Variants in ST7L observed in about 807,000 individuals in gnomAD.
ST7L encodes suppression of tumorigenicity 7 like.
A neutral mutation model predicts 72.5 loss-of-function variants in ST7L; 57 were observed. The observed-to-expected ratio is 0.79, with a 90% CI of 0.64 to 0.98. The LOEUF (loss-of-function observed/expected upper bound fraction) is 0.98. Ranked by LOEUF, ST7L falls within the 50% of genes least tolerant of loss-of-function variation. ST7L has a pLI of 0.00. For missense variants in ST7L, 576 were observed against 672.2 expected, an observed-to-expected ratio of 0.86 and a Z score of 1.58; for synonymous variants, 221 against 240.9, an observed-to-expected ratio of 0.92 and a Z score of 0.77.
chr1:112,557,572 T>G (rs1659413468), intron 11 of ST7L, among the ~76,000 whole-genome samples: 1 of 152,386 alleles, frequency 6.6e-6, no homozygotes, highest in Admixed American at 6.5e-5. Flanking sequence ...AGTTTCAGAA[T>G]GAACATATGT....
intron 11 of ST7L, among the ~76,000 whole-genome samples, chr1:112,564,278 C>A (rs535836579): frequency 6.6e-6 from 1 of 152,288 alleles, no homozygotes; most frequent in African/African-American, 2.4e-5. Context: ...TCCACATCAT[C>A]CTACAGAGCC....
chr1:112,616,894 C>A lies in ST7L; in HGVS notation c.207G>T (p.Val69=). 3 of 1,598,308 alleles carry A rather than the reference C, an allele frequency of 1.9e-6. No homozygotes were observed. In the South Asian group the frequency reaches 3.4e-5, roughly 18 times the overall value. ...PLRLCENLAA[V]TVFLNSLTPK... is the part of the protein sequence containing the mutation. ...GTGTCAATGAATTTAAAAATACAGT[C>A]ACTGTCAAAAGAACAAGAATCAAAG... is the stretch of plus-strand genomic sequence containing the variant. The change falls in exon 2 of 15, where the codon GTG becomes GTT. Residue 69 remains valine (V), a splice_region_variant and synonymous_variant. Transcript: ENST00000358039.
chr1:112,540,657 G>T, intron 14 of ST7L: 1 of 1,181,864 alleles, frequency 8.5e-7, no homozygotes, highest in Non-Finnish European at 1.1e-6. Context: ...TACCACTGGT[G>T]CCAGAAAAAA....
intron 14 of ST7L, chr1:112,539,909 A>C: frequency 1.0e-6 from 1 of 985,362 alleles, no homozygotes. Flanking sequence ...TCACCTATAC[A>C]GATACCAAAA....
chr1:112,589,620 G>A lies in ST7L; in HGVS notation c.701+1905C>T, dbSNP rs554213273. Among the ~76,000 whole-genome samples, 4 of 152,304 alleles carry A rather than the reference G, an allele frequency of 2.6e-5. No homozygotes were observed. In the East Asian group the frequency reaches 7.7e-4, roughly 29 times the overall value. ...ATCTGTCATGTGTGACCAGTGATGTGTGTGCTATTTTAGCCTCGTGGTCAG... is the reference window on the plus strand; with the variant it reads ...ATCTGTCATGTGTGACCAGTGATGTATGTGCTATTTTAGCCTCGTGGTCAG... On this transcript the variant is annotated intron_variant, in intron 6 of 14. Coordinates refer to ENST00000358039, the MANE Select transcript of ST7L (RefSeq NM_017744.5).
At chr1:112,596,305 G>A (rs908743508) in intron 5 of ST7L, among the ~76,000 whole-genome samples, 1 of 152,016 alleles carries the variant, frequency 6.6e-6, no homozygotes, top group Non-Finnish European at 1.5e-5. Flanking sequence ...TCATTTTAAT[G>A]CAGGAAACTG....
chr1:112,568,861 A>AATATATATAAAT (rs1410937307), intron 11 of ST7L, among the ~76,000 whole-genome samples: 3 of 114,918 alleles, frequency 2.6e-5, no homozygotes, highest in Admixed American at 1.1e-4. Context: ...TATAAATATA[A>AATATATATAAAT]ATATATATAT....
At chr1:112,583,159 G>A (rs1664382941) in intron 7 of ST7L, among the ~76,000 whole-genome samples, 1 of 152,078 alleles carries the variant, frequency 6.6e-6, no homozygotes, top group Non-Finnish European at 1.5e-5. Flanking sequence ...ATATATATCT[G>A]TATTTAGCTT....
chr1:112,526,200 G>C, intron 14 of ST7L, 89 bp from the exon 15 acceptor site: 1 of 1,571,758 alleles, frequency 6.4e-7, no homozygotes, highest in Non-Finnish European at 8.6e-7. Context: ...GTTTACAAAG[G>C]AACAGCCTAG....
intron 11 of ST7L, among the ~76,000 whole-genome samples, chr1:112,562,901 G>A (rs994640995): frequency 6.6e-6 from 1 of 151,970 alleles, no homozygotes; most frequent in Non-Finnish European, 1.5e-5. Context: ...CACAAGACAC[G>A]GTAAAGTATT....
chr1:112,563,021 A>G (rs1211563895), intron 11 of ST7L, among the ~76,000 whole-genome samples: 1 of 152,068 alleles, frequency 6.6e-6, no homozygotes, highest in African/African-American at 2.4e-5. Flanking sequence ...TAGAATTGGG[A>G]GGGAGAGAAC....
Position 112,541,939 on chromosome 1 carries a change from G to C in ST7L, c.1629+12C>G. 6.2e-7 allele frequency: 1 copy of C among 1,612,852 alleles called. No individual in the cohort carries two copies. The highest frequency in any genetic ancestry group is 8.5e-7 in the Non-Finnish European group (1 of 1,179,626). ...ACAAATAATCTACACAAGTCCTTGA[G>C]ATCATACTTACAGCTTTAGCAAAAA... On this transcript the variant is annotated intron_variant, in intron 14 of 14. Transcript: ENST00000358039.
At chr1:112,559,393 C>T (rs576918902) in intron 11 of ST7L, among the ~76,000 whole-genome samples, 1 of 152,018 alleles carries the variant, frequency 6.6e-6, no homozygotes, top group African/African-American at 2.4e-5. Flanking sequence ...ACCATGATGC[C>T]AGGCTAATTT....
At chr1:112,539,608 A>G in intron 14 of ST7L, 1 of 780,140 alleles carries the variant, frequency 1.3e-6, no homozygotes, top group Middle Eastern at 6.6e-4. Context: ...GTGAGCTGAG[A>G]TCACGCCATT....
At chr1:112,604,777 A>T (rs1238392099) in intron 3 of ST7L, among the ~76,000 whole-genome samples, 1 of 38,264 alleles carries the variant, frequency 2.6e-5, no homozygotes, top group South Asian at 5.6e-4. Context: ...GTCTCTCTTA[A>T]AAAAAAAAAA....
chr1:112,613,807 A>C (rs1001027148), intron 2 of ST7L, among the ~76,000 whole-genome samples: 4 of 152,128 alleles, frequency 2.6e-5, no homozygotes, highest in African/African-American at 7.2e-5. Flanking sequence ...AGCTCACCAC[A>C]GCCACGATTT....
intron 6 of ST7L, among the ~76,000 whole-genome samples, chr1:112,587,829 C>T (rs369991428): frequency 3.3e-5 from 5 of 152,016 alleles, no homozygotes; most frequent in South Asian, 4.1e-4. Context: ...ATTATAGGAT[C>T]GCCTTGTCCA....
chr1:112,595,231 G>C (rs1018465118), intron 5 of ST7L, among the ~76,000 whole-genome samples: 6 of 151,840 alleles, frequency 4.0e-5, no homozygotes, highest in African/African-American at 1.5e-4. Flanking sequence ...CGGGCATAGT[G>C]GTGCATGCCT....
chr1:112,566,311 T>G (rs1163731905), intron 11 of ST7L, among the ~76,000 whole-genome samples: 1 of 145,142 alleles, frequency 6.9e-6, no homozygotes, highest in Non-Finnish European at 1.5e-5. Context: ...TTTTTTTTTT[T>G]TTTTGAGACA....
Sources: allele counts gnomAD v4.1 joint callset (sites outside exome capture counted in the v4.1 genomes callset), GRCh38; gene constraint gnomAD v4.1.1; transcripts MANE v1.5; gene names NCBI Gene and HGNC (gene_info 2026-07-23, HGNC 2026-07-21).